Variants in FHOD3 observed in about 807,000 individuals in gnomAD.
FHOD3 encodes the protein FH1/FH2 domain-containing protein 3.
In FHOD3, 90 loss-of-function variants were observed where a neutral mutation model predicts 173.0. The ratio of observed to expected loss-of-function variants is 0.52; its 90% confidence interval spans 0.44 to 0.62. The LOEUF is 0.62. Ranked by LOEUF, FHOD3 falls within the 20% of genes least tolerant of loss-of-function variation. The pLI is 0.00. For synonymous variants in FHOD3, 828 were observed against 823.0 expected (o/e 1.01, Z -0.10); for missense variants, 1,945 against 2,034.7 (o/e 0.96, Z 0.85).
intron 3 of FHOD3, among the ~76,000 whole-genome samples, chr18:36,437,325 C>G (rs1212359691): frequency 6.6e-6 from 1 of 152,104 alleles, no homozygotes; most frequent in East Asian, 1.9e-4. Context: ...CCATGCCTGG[C>G]CAAGTATTAG....
intron 16 of FHOD3, among the ~76,000 whole-genome samples, chr18:36,690,992 C>T (rs1259262386): frequency 3.3e-5 from 5 of 152,308 alleles, no homozygotes; most frequent in African/African-American, 4.8e-5. Context: ...TCTAACTCTT[C>T]CCATGTCTTA....
intron 5 of FHOD3, among the ~76,000 whole-genome samples, chr18:36,538,466 G>A (rs78397639): frequency 0.015 from 2,298 of 152,288 alleles, 49 homozygotes; most frequent in African/African-American, 0.05. Flanking sequence ...TAATGTCAGG[G>A]AATATTTTGG....
At chr18:36,325,294 C>G (rs1456563730) in intron 1 of FHOD3, among the ~76,000 whole-genome samples, 1 of 151,738 alleles carries the variant, frequency 6.6e-6, no homozygotes, top group East Asian at 1.9e-4. Flanking sequence ...ATTTATATAG[C>G]TTTCTACACG....
intron 18 of FHOD3, 33 bp downstream of exon 18, chr18:36,709,424 G>A (rs111501265): frequency 5.0e-6 from 8 of 1,588,514 alleles, no homozygotes; most frequent in African/African-American, 2.7e-5. Flanking sequence ...GTCGGCATGT[G>A]CCAGGGAGGC....
intron 6 of FHOD3, among the ~76,000 whole-genome samples, chr18:36,586,772 G>C (rs2059048245): frequency 6.6e-6 from 1 of 152,144 alleles, no homozygotes; most frequent in Non-Finnish European, 1.5e-5. Flanking sequence ...GAGCCACCGT[G>C]CCTGGCCGCG....
At chr18:36,602,584 G>T in intron 7 of FHOD3, 90 bp from the exon 8 acceptor site, 1 of 973,572 alleles carries the variant, frequency 1.0e-6, no homozygotes. Context: ...TGCCATCACT[G>T]GATACGTCCT....
chr18:36,406,076 G>GTT (rs1207240646), intron 3 of FHOD3, among the ~76,000 whole-genome samples: 1,770 of 135,738 alleles, frequency 0.013, 35 homozygotes, highest in African/African-American at 0.045. Flanking sequence ...GGCCTTGCCT[G>GTT]TTTTTTGTTT....
At chr18:36,540,330 G>A (rs537809606) in intron 5 of FHOD3, among the ~76,000 whole-genome samples, 106 of 152,302 alleles carry the variant, frequency 7.0e-4, no homozygotes, top group African/African-American at 2.4e-3. Flanking sequence ...TGTGGTGACT[G>A]GAAGTTAGTA....
chr18:36,744,160 C>T lies in FHOD3; in HGVS notation c.4008C>T (p.Tyr1336=). Residue 1336 remains tyrosine (Y), a synonymous_variant, in exon 23 of 29, where the codon TAC becomes TAT. Coordinates refer to ENST00000590592, the MANE Select transcript of FHOD3 (RefSeq NM_001281740.3). ...ACTTCCCAGACAGCTCCGATCTGTACTCGGAGATCGGGGCCATCACCAGGT... is the reference window on the plus strand; with the variant it reads ...ACTTCCCAGACAGCTCCGATCTGTATTCGGAGATCGGGGCCATCACCAGGT... ...VENFPDSSDL[Y]SEIGAITRSA... is the part of the protein sequence containing the mutation. 5 of 1,614,034 alleles carry T rather than the reference C, an allele frequency of 3.1e-6. No individual in the cohort carries two copies. Among genetic ancestry groups the T allele is most frequent in the Non-Finnish European group, 4.2e-6 (5 of 1,179,966 alleles).
intron 4 of FHOD3, among the ~76,000 whole-genome samples, chr18:36,511,357 G>GTTTTTTTTTTTT (rs760692797): frequency 2.1e-5 from 3 of 143,608 alleles, no homozygotes; most frequent in Non-Finnish European, 4.6e-5. Context: ...TCTTGCCAAT[G>GTTTTTTTTTTTT]TTTTTTTTTT....
At chr18:36,594,458 C>T (rs1469188029) in intron 6 of FHOD3, among the ~76,000 whole-genome samples, 3 of 152,108 alleles carry the variant, frequency 2.0e-5, no homozygotes, top group Non-Finnish European at 2.9e-5. Context: ...AAGACGTAAT[C>T]GATTCAGCAC....
chr18:36,322,673 C>T (rs555165641), intron 1 of FHOD3, among the ~76,000 whole-genome samples: 15 of 152,152 alleles, frequency 9.9e-5, no homozygotes, highest in Non-Finnish European at 2.2e-4. Flanking sequence ...AAGCATGAAG[C>T]ATTCTTAGCT....
At chr18:36,342,612 C>T (rs778157303) in intron 1 of FHOD3, among the ~76,000 whole-genome samples, 8 of 152,158 alleles carry the variant, frequency 5.3e-5, no homozygotes, top group African/African-American at 1.9e-4. Context: ...TCTAGCAAAA[C>T]GTCCTTCAAA....
rs190564665 is a variant in FHOD3, at chr18:36,536,301, A to G, written c.511+23758A>G. ...TCTGGTCTTATACAAATACAATTTC[A>G]TCTCAATTTCACAGTCTCTTAGTAT... On this transcript the variant is annotated intron_variant, in intron 5 of 28. Coordinates refer to ENST00000590592, the MANE Select transcript of FHOD3 (RefSeq NM_001281740.3). Among the ~76,000 whole-genome samples the G allele has an allele frequency of 3.4e-4, 52 of 152,378 alleles. No homozygotes were observed. The East Asian group carries it at 8.3e-3, about 24-fold the overall frequency.
intron 1 of FHOD3, among the ~76,000 whole-genome samples, chr18:36,347,583 T>C (rs1303449072): frequency 6.6e-6 from 1 of 152,248 alleles, no homozygotes; most frequent in East Asian, 1.9e-4. Flanking sequence ...GCTTTCAAAG[T>C]AAATACATTC....
At chr18:36,707,116 T>G (rs567915001) in intron 17 of FHOD3, among the ~76,000 whole-genome samples, 2 of 152,354 alleles carry the variant, frequency 1.3e-5, no homozygotes, top group East Asian at 3.9e-4. Context: ...TGTATGATGC[T>G]CTCATTCTCA....
intron 14 of FHOD3, among the ~76,000 whole-genome samples, chr18:36,666,226 G>A (rs1221184804): frequency 6.6e-6 from 1 of 152,234 alleles, no homozygotes; most frequent in Non-Finnish European, 1.5e-5. Flanking sequence ...ACAGGCTGGA[G>A]AATAGAAAGC....
At position 36,642,724 on chromosome 18, in the gene FHOD3, G is replaced by A. The variant is rs1347215039; in HGVS notation, c.1197-6592G>A. Among the ~76,000 whole-genome samples the A allele has an allele frequency of 2.0e-5, 3 of 151,172 alleles. No individual in the cohort carries two copies. The East Asian group carries it at 5.8e-4, about 29-fold the overall frequency. On this transcript the variant is annotated intron_variant, in intron 10 of 28. Transcript: ENST00000590592. ...CTAGTTTATTTTATAAAATATTTACGAATATAATAGAACATCAAGGAGACT... is the reference window on the plus strand; with the variant it reads ...CTAGTTTATTTTATAAAATATTTACAAATATAATAGAACATCAAGGAGACT...
At chr18:36,597,719 C>T (rs2030698622) in intron 7 of FHOD3, among the ~76,000 whole-genome samples, 1 of 152,078 alleles carries the variant, frequency 6.6e-6, no homozygotes, top group African/African-American at 2.4e-5. Flanking sequence ...AGCCACTGTG[C>T]CTGGACAGCT....
Sources: gnomAD v4.1 joint callset for allele counts (sites outside exome capture counted in the v4.1 genomes callset) on GRCh38, gnomAD v4.1.1 for gene constraint, MANE v1.5 for transcripts, NCBI Gene and HGNC (gene_info 2026-07-23, HGNC 2026-07-21) for gene names.